DMXL2: variants seen among roughly 807,000 people sequenced by gnomAD.
DMXL2 encodes dmX-like protein 2.
A neutral mutation model predicts 331.1 loss-of-function variants in DMXL2; 103 were observed. The observed-to-expected ratio is 0.31, with a 90% CI of 0.27 to 0.37. DMXL2 has a LOEUF of 0.37. Ranked by LOEUF, DMXL2 falls within the 10% of genes least tolerant of loss-of-function variation. The pLI is 1.00. For synonymous variants in DMXL2, 1,281 were observed against 1,252.1 expected (o/e 1.02, Z -0.49); for missense variants, 3,171 against 3,642.9 (o/e 0.87, Z 3.33).
rs751783859 is a variant in DMXL2, at chr15:51,517,091, G to T, written c.2513C>A (p.Ala838Glu). 6.2e-7 allele frequency: 1 copy of T among 1,613,898 alleles called. No homozygotes were observed. The highest frequency in any genetic ancestry group is 8.5e-7 in the Non-Finnish European group (1 of 1,179,808). Reference protein sequence around the residue: ...ARPGCIIELDAITNQCGSNTQ... With the variant: ...ARPGCIIELDEITNQCGSNTQ... ...GCATGTTTTTACTTGGTTGGTTATTGCGTCGAGTTCAATAATGCAGCCAGG... is the reference window on the plus strand; with the variant it reads ...GCATGTTTTTACTTGGTTGGTTATTTCGTCGAGTTCAATAATGCAGCCAGG... The change falls in exon 14 of 44, where the codon GCA becomes GAA. Residue 838 changes from alanine to glutamate, a missense_variant. This residue lies in a region of DMXL2 where 1,674 missense variants were observed against 1,780.2 expected (regional missense o/e 0.94). Coordinates refer to ENST00000560891, the MANE Select transcript of DMXL2 (RefSeq NM_001378457.1).
chr15:51,466,617 G>A (rs1391327648), intron 29 of DMXL2: 1 of 151,936 alleles, frequency 6.6e-6, no homozygotes, highest in African/African-American at 2.4e-5. Flanking sequence ...GCAATAAATA[G>A]TTAGAAAAGT....
chr15:51,473,009 C>G (rs1483726269), intron 28 of DMXL2, among the ~76,000 whole-genome samples: 1 of 152,182 alleles, frequency 6.6e-6, no homozygotes, highest in African/African-American at 2.4e-5. Flanking sequence ...CTCTTCATGA[C>G]AGCCATGATG....
rs567796438 is a variant in DMXL2, at chr15:51,622,718, A to T, written c.-173T>A. 1.8e-5 allele frequency: 24 copies of T among 1,298,468 alleles called. No homozygotes were observed. The highest frequency in any genetic ancestry group is 2.1e-5 in the Non-Finnish European group (21 of 982,176). The allele number at this position is 1,298,468 out of a possible 1,614,324, so 80.4% of individuals were successfully genotyped here. The stretch of plus-strand genomic sequence containing the variant: ...GCCTTCCCTCCGCCTCGTCCCTGCC[A>T]TGGGAGCTCCTCGACCGCCGCCGCC... On this transcript the variant is annotated 5_prime_UTR_variant, in exon 1 of 44. It removes an upstream start codon present in the reference 5' UTR. Transcript: ENST00000560891.
At position 51,536,519 on chromosome 15, in the gene DMXL2, T is replaced by C. The variant is rs753506877; in HGVS notation, c.1961A>G (p.Asn654Ser). 3.1e-5 allele frequency: 50 copies of C among 1,613,850 alleles called. No individual in the cohort carries two copies. Among genetic ancestry groups the C allele is most frequent in the Admixed American group, 1.7e-4 (10 of 59,952 alleles). Residue 654 changes from asparagine (N) to serine (S), a missense_variant, in exon 12 of 44, where the codon AAT becomes AGT. Around this residue, in one of 7 missense-constraint regions of DMXL2, gnomAD observed 1,674 missense variants for 1,780.2 expected, o/e 0.94. Coordinates refer to ENST00000560891, the MANE Select transcript of DMXL2 (RefSeq NM_001378457.1). ...FRYCGHRFHL[N>S]DLACHSVLPL... ...TAAAACTGAATGACATGCCAGGTCA[T>C]TGAGGTGAAATCGATGACCGCAATA...
At chr15:51,465,308 T>G (rs1011548470) in intron 31 of DMXL2, among the ~76,000 whole-genome samples, 1 of 152,182 alleles carries the variant, frequency 6.6e-6, no homozygotes, top group Non-Finnish European at 1.5e-5. Flanking sequence ...GGTGGGAGGA[T>G]GGCTTGAGCC....
chr15:51,562,200 C>T lies in DMXL2; in HGVS notation c.567+1181G>A, dbSNP rs531939969. On this transcript the variant is annotated intron_variant, in intron 6 of 43. Transcript: ENST00000560891. Reference sequence around the variant, plus strand: ...CTAATTTGACCATCATTACACATTACGCATGTATCAAAATATCACATGTAT... The same window carrying T: ...CTAATTTGACCATCATTACACATTATGCATGTATCAAAATATCACATGTAT... 6.6e-5 allele frequency among the ~76,000 whole-genome samples: 10 copies of T among 152,162 alleles called. No individual in the cohort carries two copies. The South Asian group carries it at 1.5e-3, about 22-fold the overall frequency.
intron 2 of DMXL2, among the ~76,000 whole-genome samples, chr15:51,570,729 C>T (rs1423734007): frequency 6.6e-6 from 1 of 152,122 alleles, no homozygotes; most frequent in Non-Finnish European, 1.5e-5. Flanking sequence ...CCTTTACAGA[C>T]AAGCAAATGC....
chr15:51,590,604 G>A (rs1013927970), intron 1 of DMXL2, among the ~76,000 whole-genome samples: 1 of 151,510 alleles, frequency 6.6e-6, no homozygotes, highest in Non-Finnish European at 1.5e-5. Context: ...CAATATGTTA[G>A]TTGGACTCAA....
chr15:51,487,842 T>C (rs1032057573), intron 22 of DMXL2, 112 bp downstream of exon 22: 23 of 873,620 alleles, frequency 2.6e-5, no homozygotes, highest in Non-Finnish European at 3.8e-5. Flanking sequence ...GCAACCTCTG[T>C]AGTTATTCTG....
At chr15:51,601,012 C>T (rs747167302) in intron 1 of DMXL2, among the ~76,000 whole-genome samples, 1 of 152,046 alleles carries the variant, frequency 6.6e-6, no homozygotes, top group Non-Finnish European at 1.5e-5. Flanking sequence ...AACAATTTGG[C>T]CAGGCATGGT....
chr15:51,599,942 G>A (rs2141304775), intron 1 of DMXL2, among the ~76,000 whole-genome samples: 1 of 151,938 alleles, frequency 6.6e-6, no homozygotes, highest in East Asian at 1.9e-4. Context: ...CTCGTGATCT[G>A]CCCGCCTCAG....
At chr15:51,483,857 T>G (rs1267157839) in intron 23 of DMXL2, among the ~76,000 whole-genome samples, 1 of 151,680 alleles carries the variant, frequency 6.6e-6, no homozygotes, top group East Asian at 2.0e-4. Flanking sequence ...CTGCTCCCAG[T>G]GTGCACACCC....
intron 6 of DMXL2, among the ~76,000 whole-genome samples, chr15:51,561,906 T>C (rs1424333569): frequency 6.6e-6 from 1 of 152,180 alleles, no homozygotes; most frequent in African/African-American, 2.4e-5. Context: ...TAGAAGTCAT[T>C]ATGTTACATG....
At position 51,499,938 on chromosome 15, in the gene DMXL2, C is replaced by T; in HGVS notation, c.3286G>A (p.Val1096Ile). The T allele has an allele frequency of 1.2e-6, 2 of 1,614,036 alleles. No individual in the cohort carries two copies. Among genetic ancestry groups the T allele is most frequent in the South Asian group, 1.1e-5 (1 of 91,080 alleles). Residue 1096 changes from valine (V) to isoleucine (I), a missense_variant, in exon 18 of 44, where the codon GTT becomes ATT. Around this residue, in one of 7 missense-constraint regions of DMXL2, gnomAD observed 1,674 missense variants for 1,780.2 expected, o/e 0.94. Coordinates refer to ENST00000560891, the MANE Select transcript of DMXL2 (RefSeq NM_001378457.1). Reference protein sequence around the residue: ...YKQPIHHNGFVSKEFSMHVCI... With the variant: ...YKQPIHHNGFISKEFSMHVCI... Reference sequence around the variant, plus strand: ...ACATGCATGGAAAATTCTTTAGAAACAAAACCATTATGGTGGATAGGCTGC... The same window carrying T: ...ACATGCATGGAAAATTCTTTAGAAATAAAACCATTATGGTGGATAGGCTGC...
At chr15:51,472,540 C>G (rs768994530) in intron 28 of DMXL2, among the ~76,000 whole-genome samples, 5 of 152,138 alleles carry the variant, frequency 3.3e-5, no homozygotes, top group Admixed American at 6.5e-5. Flanking sequence ...TCTCCCTCCC[C>G]CTAGCCCATG....
intron 13 of DMXL2, among the ~76,000 whole-genome samples, chr15:51,533,920 C>T (rs1477245287): frequency 1.3e-5 from 2 of 152,068 alleles, no homozygotes; most frequent in African/African-American, 4.8e-5. Context: ...AAAGCAAAAA[C>T]AAATACATTA....
At chr15:51,544,941 C>T (rs956171) in intron 8 of DMXL2, among the ~76,000 whole-genome samples, 123,706 of 152,018 alleles carry the variant, frequency 0.81, 50,705 homozygotes, top group East Asian at 0.99. Context: ...TCTGACAATT[C>T]AAAATAATGC....
chr15:51,465,948 T>C (rs2040529970), intron 30 of DMXL2, among the ~76,000 whole-genome samples: 1 of 152,178 alleles, frequency 6.6e-6, no homozygotes, highest in Non-Finnish European at 1.5e-5. Context: ...ATGAGTTACA[T>C]ATTTTTTCCT....
chr15:51,487,990 A>C lies in DMXL2; in HGVS notation c.5181T>G (p.Phe1727Leu). Residue 1727 changes from phenylalanine to leucine, a missense_variant, in exon 22 of 44, where the codon TTT becomes TTG. Around this residue, in one of 7 missense-constraint regions of DMXL2, gnomAD observed 252 missense variants for 387.4 expected, o/e 0.65. Transcript: ENST00000560891. ...CTTTCAATGAACCAGCTAGCAAGAAAAAAGCAGCCGATTGTTCAAAGCGTT... is the reference window on the plus strand; with the variant it reads ...CTTTCAATGAACCAGCTAGCAAGAACAAAGCAGCCGATTGTTCAAAGCGTT... Reference protein sequence around the residue: ...GKQRFEQSAAFFLLAGSLKDA... With the variant: ...GKQRFEQSAALFLLAGSLKDA... 1 of 1,612,112 alleles carries C rather than the reference A, an allele frequency of 6.2e-7. No individual in the cohort carries two copies.
Sources: allele counts gnomAD v4.1 joint callset (sites outside exome capture counted in the v4.1 genomes callset), GRCh38; gene constraint gnomAD v4.1.1; regional missense constraint gnomAD v4.1.1; transcripts MANE v1.5; gene names NCBI Gene and HGNC (gene_info 2026-07-23, HGNC 2026-07-21).